The following FARSA variants were observed in gnomAD, a reference collection of about 807,000 sequenced individuals.
FARSA encodes the protein phenylalanyl-tRNA synthetase subunit alpha.
Under a neutral mutation model 63.2 loss-of-function variants are expected in FARSA, and 37 were observed. The observed-to-expected ratio is 0.59, with a 90% CI of 0.45 to 0.77. The LOEUF (loss-of-function observed/expected upper bound fraction) is 0.77, where lower values mean the gene tolerates loss of function less well. FARSA is among the 30% of genes least tolerant of loss of function. The pLI is 0.00. For synonymous variants in FARSA, 312 were observed against 285.1 expected, an observed-to-expected ratio of 1.09 and a Z score of -0.95; for missense variants, 618 against 696.6, an observed-to-expected ratio of 0.89 and a Z score of 1.27.
intron 1 of FARSA, among the ~76,000 whole-genome samples, chr19:12,931,131 C>T (rs1971389779): frequency 6.6e-6 from 1 of 152,146 alleles, no homozygotes. Flanking sequence ...GGGGTCTCAC[C>T]CTGTCACTAG....
intron 5 of FARSA, 33 bp from the exon 6 acceptor site, chr19:12,928,696 G>A: frequency 6.2e-7 from 1 of 1,613,544 alleles, no homozygotes; most frequent in Non-Finnish European, 8.5e-7. Flanking sequence ...GGTAAGGGCT[G>A]CCCGCCCCTG....
Position 12,924,230 on chromosome 19 carries a change from C to T in FARSA, c.1309G>A (p.Val437Ile). 1.5e-5 allele frequency: 25 copies of T among 1,614,120 alleles called. No individual in the cohort carries two copies. Among genetic ancestry groups the T allele is most frequent in the Non-Finnish European group, 1.9e-5 (23 of 1,180,024 alleles). The part of the protein sequence containing the change: ...KKWVEVGNSG[V>I]FRPEMLLPMG... ...GGCAGCAGCATCTCTGGACGGAAGA[C>T]CCCCGAGTTTCCGACCTCCACCCAC... is the stretch of plus-strand genomic sequence containing the variant. Residue 437 changes from valine to isoleucine, a missense_variant, in exon 12 of 13, where the codon GTC becomes ATC. Coordinates refer to ENST00000314606, the MANE Select transcript of FARSA (RefSeq NM_004461.3). This position sits in a 1 kb window ranked among gnomAD's most constrained non-coding sequence, Gnocchi z 6.4.
chr19:12,925,120 G>C lies in FARSA; in HGVS notation c.896C>G (p.Thr299Ser). The stretch of plus-strand genomic sequence containing the variant: ...TGAGCCGTAGCCGCCCTGAGAGTGG[G>C]TCCGCTTGACCCGCTGGACATAGTC... ...PMDYVQRVKRTHSQGGYGSQG... is the reference protein window; with the variant it reads ...PMDYVQRVKRSHSQGGYGSQG... The change falls in exon 8 of 13, where the codon ACC becomes AGC. Residue 299 changes from threonine (T) to serine (S), a missense_variant. Coordinates refer to ENST00000314606, the MANE Select transcript of FARSA (RefSeq NM_004461.3). 1 of 1,609,890 alleles carries C rather than the reference G, an allele frequency of 6.2e-7. No individual in the cohort carries two copies. The highest frequency in any genetic ancestry group is 8.5e-7 in the Non-Finnish European group (1 of 1,178,690).
At chr19:12,933,438 T>G in intron 1 of FARSA, 112 bp downstream of exon 1, 5 of 1,330,610 alleles carry the variant, frequency 3.8e-6, no homozygotes, top group Non-Finnish European at 5.1e-6. Context: ...TGGACACATA[T>G]ACAGCTACCC....
chr19:12,922,620 A>G lies in FARSA; in HGVS notation c.*128T>C. The G allele has an allele frequency of 8.6e-7, 1 of 1,168,174 alleles. No individual in the cohort carries two copies. The allele number at this position is 1,168,174 out of a possible 1,614,324, so 72.4% of individuals were successfully genotyped here. A position where few individuals can be genotyped will look rare whatever the true frequency, so the allele number is the denominator to read the frequency against. On this transcript the variant is annotated 3_prime_UTR_variant, in exon 13 of 13. Coordinates refer to ENST00000314606, the MANE Select transcript of FARSA (RefSeq NM_004461.3). ...GTCCCTGGGATTCTGGTCCTGGGAC[A>G]GGTGGGAAAGAGGAAGGTGGGGGCT...
chr19:12,928,964 T>A, intron 4 of FARSA, 117 bp from the exon 5 acceptor site: 1 of 870,662 alleles, frequency 1.1e-6, no homozygotes, highest in Non-Finnish European at 1.9e-6. Context: ...TTTATTTCCA[T>A]CCTGACATTT....
At position 12,933,622 on chromosome 19, in the gene FARSA, C is replaced by G. The variant is rs572808042; in HGVS notation, c.75G>C (p.Glu25Asp). ...GCTCCATGCCCAGCTCAGCCGCCAACTCGGCGCTGTCCAGGCCGCCATCAG... is the reference window on the plus strand; with the variant it reads ...GCTCCATGCCCAGCTCAGCCGCCAAGTCGGCGCTGTCCAGGCCGCCATCAG... ...EASDGGLDSA[E>D]LAAELGMEHQ... The change falls in exon 1 of 13, where the codon GAG (glutamate) becomes GAC (aspartate). Residue 25 changes from glutamate to aspartate, a missense_variant. Coordinates refer to ENST00000314606, the MANE Select transcript of FARSA (RefSeq NM_004461.3). 2.3e-5 allele frequency: 36 copies of G among 1,558,944 alleles called. No homozygotes were observed. In the South Asian group the frequency reaches 4.1e-4, roughly 18 times the overall value.
rs78601726 is a variant in FARSA, at chr19:12,928,844, A to G, written c.507T>C (p.Thr169=). Residue 169 remains threonine, a synonymous_variant, in exon 5 of 13, where the codon ACT becomes ACC. Transcript: ENST00000314606. ...CTTTGCTCACCCAGTAGGTCTTCAG[A>G]GTCCTGTGGCCAGGGGAAGGAAGGG... is the stretch of plus-strand genomic sequence containing the variant. ...LRKRKLLAEV[T]LKTYWVSKGS... 2.7e-4 allele frequency: 441 copies of G among 1,614,088 alleles called. 5 individuals are homozygous for G. In the African/African-American group the frequency reaches 5.2e-3, roughly 19 times the overall value.
intron 1 of FARSA, chr19:12,933,038 G>A (rs1340162816): frequency 1.3e-5 from 2 of 157,672 alleles, no homozygotes; most frequent in Non-Finnish European, 2.8e-5. Flanking sequence ...CCCTCATGAG[G>A]TAAAGACCTA....
chr19:12,930,075 C>T (rs570541617), intron 4 of FARSA, 148 bp downstream of exon 4: 233 of 682,352 alleles, frequency 3.4e-4, no homozygotes, highest in Admixed American at 1.9e-3. Flanking sequence ...CCCCAAGGCA[C>T]GTAGGCTTGA....
intron 1 of FARSA, 23 bp from the exon 2 acceptor site, chr19:12,930,772 T>C (rs202077261): frequency 6.2e-7 from 1 of 1,602,174 alleles, no homozygotes; most frequent in Admixed American, 1.7e-5. Flanking sequence ...GTGGGGAGGG[T>C]GTCCAGGCAG....
rs199767101 is a variant in FARSA at position 12,928,522 on chromosome 19, G to A, written c.725+13C>T. 6.5e-4 allele frequency: 1,052 copies of A among 1,614,112 alleles called. 3 individuals are homozygous for A. The highest frequency in any genetic ancestry group is 4.8e-4 in the Non-Finnish European group (563 of 1,179,996). ...GCAGAAGCACCAGGCACCGCCCCCA[G>A]CCCTGTGCTCACCCCATCTCCAGGA... is the stretch of plus-strand genomic sequence containing the variant. On this transcript the variant is annotated intron_variant, in intron 6 of 12. Transcript: ENST00000314606.
rs1419198804 is a variant in FARSA at position 12,930,760 on chromosome 19, A to G, written c.148-11T>C. The G allele has an allele frequency of 1.2e-6, 2 of 1,604,388 alleles. No homozygotes were observed. Among genetic ancestry groups the G allele is most frequent in the Non-Finnish European group, 8.5e-7 (1 of 1,179,972 alleles). On this transcript the variant is annotated splice_polypyrimidine_tract_variant and intron_variant, in intron 1 of 12. Coordinates refer to ENST00000314606, the MANE Select transcript of FARSA (RefSeq NM_004461.3). ...TTCAGCCTCGATGACCTAGAGGGAA[A>G]TGTGGGGAGGGTGTCCAGGCAGGGG...
intron 4 of FARSA, among the ~76,000 whole-genome samples, chr19:12,929,824 G>C (rs1252365898): frequency 1.3e-5 from 2 of 152,174 alleles, no homozygotes; most frequent in Non-Finnish European, 2.9e-5. Flanking sequence ...AGCCCATCTA[G>C]GTTCCAGAGG....
At chr19:12,929,497 G>A (rs968432172) in intron 4 of FARSA, among the ~76,000 whole-genome samples, 12 of 152,294 alleles carry the variant, frequency 7.9e-5, no homozygotes, top group South Asian at 2.1e-4. Flanking sequence ...ATGAGCCATC[G>A]TGCCTGGCCC....
At chr19:12,923,080 C>T (rs1326812394) in intron 12 of FARSA, among the ~76,000 whole-genome samples, 194 bp from the exon 13 acceptor site, 1 of 152,098 alleles carries the variant, frequency 6.6e-6, no homozygotes, top group African/African-American at 2.4e-5. Flanking sequence ...TCTCCTAATA[C>T]AAAAAGCACA....
Position 12,924,075 on chromosome 19 carries a change from G to A in FARSA, c.1388+76C>T. On this transcript the variant is annotated intron_variant, in intron 12 of 12. Coordinates refer to ENST00000314606, the MANE Select transcript of FARSA (RefSeq NM_004461.3). This position sits in a 1 kb window ranked among gnomAD's most constrained non-coding sequence, Gnocchi z 6.4. Reference sequence around the variant, plus strand: ...ATTGGATGAATGAATGGGTGGTGCTGAAACCACGCAGGCCCCTATACCTGG... The same window carrying A: ...ATTGGATGAATGAATGGGTGGTGCTAAAACCACGCAGGCCCCTATACCTGG... 1.7e-6 allele frequency: 2 copies of A among 1,167,768 alleles called. No individual in the cohort carries two copies. Among genetic ancestry groups the A allele is most frequent in the Non-Finnish European group, 1.3e-6 (1 of 776,398 alleles). The allele number at this position is 1,167,768 out of a possible 1,614,324, so 72.3% of individuals were successfully genotyped here.
chr19:12,930,184 G>C (rs765577009), intron 4 of FARSA, 39 bp downstream of exon 4: 2 of 1,507,108 alleles, frequency 1.3e-6, no homozygotes, highest in South Asian at 1.1e-5. Context: ...ATGCTTCGCA[G>C]GTGGTGGGGG....
At chr19:12,926,282 T>G (rs1483214541) in intron 7 of FARSA, among the ~76,000 whole-genome samples, 2 of 141,292 alleles carry the variant, frequency 1.4e-5, no homozygotes, top group Non-Finnish European at 3.1e-5. Context: ...CAAAATTTTT[T>G]TTTTTTTTAG....
Sources: allele counts gnomAD v4.1 joint callset (sites outside exome capture counted in the v4.1 genomes callset), GRCh38; gene constraint gnomAD v4.1.1; non-coding constraint Gnocchi (gnomAD v3.1); transcripts MANE v1.5; gene names NCBI Gene and HGNC (gene_info 2026-07-23, HGNC 2026-07-21).